ITGAL: variants seen among roughly 807,000 people sequenced by gnomAD.
ITGAL encodes integrin alpha-L.
A neutral mutation model predicts 138.4 loss-of-function variants in ITGAL; 68 were observed. That is an observed-to-expected ratio of 0.49 (90% confidence interval 0.40 to 0.60). ITGAL has a LOEUF of 0.60. ITGAL is among the 20% of genes least tolerant of loss of function. The pLI is 0.00. For missense variants in ITGAL, 1,256 were observed against 1,478.6 expected (o/e 0.85, Z 2.47); for synonymous variants, 561 against 584.3 (o/e 0.96, Z 0.57).
rs1221232234 is a variant in ITGAL at position 30,494,819 on chromosome 16, G to A, written c.1472G>A (p.Gly491Glu). 1.2e-6 allele frequency: 2 copies of A among 1,607,022 alleles called. No individual in the cohort carries two copies. Among genetic ancestry groups the A allele is most frequent in the Admixed American group, 3.4e-5 (2 of 59,478 alleles). ...CCACTGTTCTATGGGGAGCAGAGAG[G>A]AGGCCGGGTGTTTATCTACCAGAGA... The part of the protein sequence containing the change: ...GAPLFYGEQR[G>E]GRVFIYQRRQ... The change falls in exon 13 of 31, where the codon GGA becomes GAA. Residue 491 changes from glycine to glutamate, a missense_variant. By Grantham distance (98) the Gly-to-Glu change is moderately conservative (BLOSUM62 -2). Coordinates refer to ENST00000356798, the MANE Select transcript of ITGAL (RefSeq NM_002209.3). The surrounding 1 kb of genome is among the most constrained non-coding windows in gnomAD (Gnocchi z 4.2).
chr16:30,517,786 A>G lies in ITGAL; in HGVS notation c.3034-11A>G. The G allele has an allele frequency of 6.2e-7, 1 of 1,614,090 alleles. No homozygotes were observed. Among genetic ancestry groups the G allele is most frequent in the Non-Finnish European group, 8.5e-7 (1 of 1,179,976 alleles). On this transcript the variant is annotated splice_polypyrimidine_tract_variant and intron_variant, in intron 27 of 30. Transcript: ENST00000356798. ...AAGCCGCCCTGACCCCGCTTTCCTCATCCTTGTCAGCCTTGTCTCCCCGGA... is the reference window on the plus strand; with the variant it reads ...AAGCCGCCCTGACCCCGCTTTCCTCGTCCTTGTCAGCCTTGTCTCCCCGGA...
Position 30,518,510 on chromosome 16 carries a change from G to C in ITGAL, c.3133-114G>C, listed in dbSNP as rs934491406. On this transcript the variant is annotated intron_variant, in intron 28 of 30. Coordinates refer to ENST00000356798, the MANE Select transcript of ITGAL (RefSeq NM_002209.3). ...AATAGAGAGTTGTGTAGAGATGGGTGCACCCCCCTGGAACCCCTTCTCTGC... is the reference window on the plus strand; with the variant it reads ...AATAGAGAGTTGTGTAGAGATGGGTCCACCCCCCTGGAACCCCTTCTCTGC... 3 of 715,350 alleles carry C rather than the reference G, an allele frequency of 4.2e-6. No homozygotes were observed. The African/African-American group carries it at 5.3e-5, about 13-fold the overall frequency. The allele number at this position is 715,350 out of a possible 1,614,324, so 44.3% of individuals were successfully genotyped here.
At chr16:30,493,986 T>C (rs2050762519) in intron 11 of ITGAL, among the ~76,000 whole-genome samples, 1 of 152,194 alleles carries the variant, frequency 6.6e-6, no homozygotes, top group African/African-American at 2.4e-5. Flanking sequence ...GCATAGCTGC[T>C]TTTCCCTGGG....
chr16:30,478,968 C>T (rs1408813457), intron 4 of ITGAL, 123 bp from the exon 5 acceptor site: 2 of 738,866 alleles, frequency 2.7e-6, no homozygotes, highest in African/African-American at 3.5e-5. Flanking sequence ...GCCTTGGTAA[C>T]CAGTTGGATA....
At chr16:30,502,396 CAAAAA>C (rs57501055) in intron 17 of ITGAL, among the ~76,000 whole-genome samples, 15 of 80,090 alleles carry the variant, frequency 1.9e-4, no homozygotes, top group Non-Finnish European at 4.0e-4. Context: ...GACTCCATCT[CAAAAA>C]AAAAAAAAAA....
intron 30 of ITGAL, among the ~76,000 whole-genome samples, chr16:30,521,181 C>A (rs1334448893): frequency 1.3e-5 from 2 of 151,816 alleles, no homozygotes; most frequent in African/African-American, 4.8e-5. Flanking sequence ...CCAAGGAGGG[C>A]AGATCACTTG....
chr16:30,490,657 A>G (rs2050712338), intron 11 of ITGAL, among the ~76,000 whole-genome samples: 1 of 152,094 alleles, frequency 6.6e-6, no homozygotes, highest in African/African-American at 2.4e-5. Context: ...TATATATTAA[A>G]TCCCAGGCAC....
At chr16:30,473,165 C>G (rs2050418294) in intron 1 of ITGAL, among the ~76,000 whole-genome samples, 2 of 152,152 alleles carry the variant, frequency 1.3e-5, no homozygotes, top group Admixed American at 1.3e-4. Context: ...GGCGCGGTGG[C>G]TCACGCCTGT....
intron 25 of ITGAL, among the ~76,000 whole-genome samples, chr16:30,514,892 T>C (rs906415305): frequency 6.6e-6 from 1 of 150,534 alleles, no homozygotes; most frequent in Admixed American, 6.7e-5. Context: ...TGGCGTAATC[T>C]CAGCTCACTG....
chr16:30,494,409 A>G lies in ITGAL; in HGVS notation c.1365+46A>G. ...TCTGCAGACCAGGGACTGGCGGGAC[A>G]CACATCACACTCCCTTCTGTCCTTT... On this transcript the variant is annotated intron_variant, in intron 12 of 30. Coordinates refer to ENST00000356798, the MANE Select transcript of ITGAL (RefSeq NM_002209.3). The surrounding 1 kb of genome is among the most constrained non-coding windows in gnomAD (Gnocchi z 4.2). The G allele has an allele frequency of 1.3e-6, 2 of 1,548,716 alleles. No homozygotes were observed. Among genetic ancestry groups the G allele is most frequent in the Non-Finnish European group, 1.8e-6 (2 of 1,139,208 alleles).
At chr16:30,474,027 C>G (rs1233366283) in intron 1 of ITGAL, 169 bp from the exon 2 acceptor site, 1 of 697,526 alleles carries the variant, frequency 1.4e-6, no homozygotes, top group South Asian at 1.5e-5. Context: ...TCTAGGGGGG[C>G]CGGGAGTTGC....
At chr16:30,510,273 T>C in intron 21 of ITGAL, 88 bp from the exon 22 acceptor site, 1 of 768,534 alleles carries the variant, frequency 1.3e-6, no homozygotes. Context: ...ACAGAGCCCC[T>C]GGGGGAGGTA....
intron 21 of ITGAL, among the ~76,000 whole-genome samples, chr16:30,508,829 A>C (rs545816079): frequency 6.6e-6 from 1 of 152,254 alleles, no homozygotes; most frequent in East Asian, 1.9e-4. Context: ...ATTGCCCTCC[A>C]GCTTGGGCGA....
chr16:30,496,912 T>C (rs1016793524), intron 15 of ITGAL, among the ~76,000 whole-genome samples: 1 of 152,008 alleles, frequency 6.6e-6, no homozygotes, highest in Admixed American at 6.6e-5. Context: ...CCCAGAGTGC[T>C]GGAGTTACAG....
At chr16:30,479,019 G>A (rs938152685) in intron 4 of ITGAL, 72 bp from the exon 5 acceptor site, 1 of 1,122,850 alleles carries the variant, frequency 8.9e-7, no homozygotes, top group Admixed American at 1.8e-5. Flanking sequence ...AACGTTCCTA[G>A]TTTTGGTTGA....
chr16:30,511,765 G>T (rs1168813958), intron 24 of ITGAL, among the ~76,000 whole-genome samples: 1 of 152,226 alleles, frequency 6.6e-6, no homozygotes, highest in Non-Finnish European at 1.5e-5. Flanking sequence ...GAACACAGTA[G>T]CAGGAAGGAA....
In ITGAL at chr16:30,513,809, A is replaced by G; in HGVS notation, c.2825A>G (p.Lys942Arg). Residue 942 changes from lysine to arginine, a missense_variant, in exon 25 of 31, where the codon AAA becomes AGA. This residue lies in a region of ITGAL where 867 missense variants were observed against 972.5 expected (regional missense o/e 0.89). Coordinates refer to ENST00000356798, the MANE Select transcript of ITGAL (RefSeq NM_002209.3). ...ACACTCTATGTCAGTTTCACCCCCA[A>G]AGGCCCCAAGATCCACCAAGTCAAG... ...DSTLYVSFTP[K>R]GPKIHQVKHM... 1 of 1,613,728 alleles carries G rather than the reference A, an allele frequency of 6.2e-7. No individual in the cohort carries two copies. The highest frequency in any genetic ancestry group is 1.1e-5 in the South Asian group (1 of 91,062).
intron 9 of ITGAL, among the ~76,000 whole-genome samples, chr16:30,488,454 C>T (rs893138627): frequency 1.3e-5 from 2 of 151,836 alleles, no homozygotes; most frequent in African/African-American, 4.8e-5. Flanking sequence ...TCACACCTGT[C>T]ATTGTCCCAA....
chr16:30,480,259 C>A (rs1179199757), intron 6 of ITGAL, among the ~76,000 whole-genome samples: 3 of 152,160 alleles, frequency 2.0e-5, no homozygotes, highest in Non-Finnish European at 2.9e-5. Flanking sequence ...TTTCTTTTTG[C>A]GTCTTTGCTT....
Sources: gnomAD v4.1 joint callset for allele counts (sites outside exome capture counted in the v4.1 genomes callset) on GRCh38, gnomAD v4.1.1 for gene constraint, gnomAD v4.1.1 regional missense constraint, Gnocchi (gnomAD v3.1) non-coding constraint, MANE v1.5 for transcripts, NCBI Gene and HGNC (gene_info 2026-07-23, HGNC 2026-07-21) for gene names.